The following EPS8L1 variants were observed in gnomAD, a reference collection of about 807,000 sequenced individuals.
EPS8L1 encodes the protein epidermal growth factor receptor kinase substrate 8-like protein 1.
A neutral mutation model predicts 91.7 loss-of-function variants in EPS8L1; 101 were observed. The ratio of observed to expected loss-of-function variants is 1.10; its 90% CI spans 0.94 to 1.30. The LOEUF is 1.30. Ranked by LOEUF, EPS8L1 falls within the 50% of genes most tolerant of loss-of-function variation. EPS8L1 has a pLI of 0.00. For missense variants in EPS8L1, 1,114 were observed against 1,017.0 expected (o/e 1.10, Z -1.30); for synonymous variants, 506 against 445.3 (o/e 1.14, Z -1.72).
At chr19:55,087,225 C>T in intron 18 of EPS8L1, 78 bp from the exon 19 acceptor site, 3 of 1,517,498 alleles carry the variant, frequency 2.0e-6, no homozygotes, top group East Asian at 2.5e-5. Context: ...TGGACCATCG[C>T]CGGGTGGGCG....
chr19:55,081,221 C>A lies in EPS8L1; in HGVS notation c.513-10C>A. The A allele has an allele frequency of 6.7e-7, 1 of 1,498,224 alleles. No homozygotes were observed. Among genetic ancestry groups the A allele is most frequent in the East Asian group, 2.4e-5 (1 of 41,946 alleles). The allele number at this position is 1,498,224 out of a possible 1,614,324, so 92.8% of individuals were successfully genotyped here. A position where few individuals can be genotyped will look rare whatever the true frequency, so the allele number is the denominator to read the frequency against. On this transcript the variant is annotated splice_polypyrimidine_tract_variant and intron_variant, in intron 7 of 19. Transcript: ENST00000201647. This position sits in a 1 kb window ranked among gnomAD's most constrained non-coding sequence, Gnocchi z 4.9. Reference sequence around the variant, plus strand: ...GGACCCAGTCTTGGTGTCCCCGTCGCCCTCCGCAGGGCCACGCAGGAGGAG... The same window carrying A: ...GGACCCAGTCTTGGTGTCCCCGTCGACCTCCGCAGGGCCACGCAGGAGGAG...
In EPS8L1 at chr19:55,082,335, G is replaced by A; in HGVS notation, c.1051G>A (p.Gly351Arg). 3.7e-6 allele frequency: 6 copies of A among 1,612,596 alleles called. No individual in the cohort carries two copies. The highest frequency in any genetic ancestry group is 5.1e-6 in the Non-Finnish European group (6 of 1,179,882). The change falls in exon 11 of 20, where the codon GGG becomes AGG. Residue 351 changes from glycine to arginine, a missense_variant. By Grantham distance (125) the Gly-to-Arg change is moderately radical (BLOSUM62 -2). Transcript: ENST00000201647. ...TCCGGAGCTGTTGCACTTCCTTTTC[G>A]GGCCTCTGCAGATGGTGAGACCCGC... is the stretch of plus-strand genomic sequence containing the variant. The part of the protein sequence containing the change: ...SSPELLHFLF[G>R]PLQMIVNTSG...
At chr19:55,086,635 G>GT in intron 17 of EPS8L1, 79 bp from the exon 18 acceptor site, 3 of 1,307,714 alleles carry the variant, frequency 2.3e-6, no homozygotes, top group Non-Finnish European at 2.1e-6. Flanking sequence ...ACGCTGGAGC[G>GT]CCCCCCCGCC....
Position 55,082,527 on chromosome 19 carries a change from C to T in EPS8L1, c.1139C>T (p.Ala380Val), listed in dbSNP as rs1383066973. The T allele has an allele frequency of 6.2e-7, 1 of 1,611,240 alleles. No homozygotes were observed. Among genetic ancestry groups the T allele is most frequent in the South Asian group, 1.1e-5 (1 of 90,814 alleles). ...CCGCATCTGACATCGGATGCCGTGG[C>T]GCTGCTGCGGGACAACGTCACTCCA... is the stretch of plus-strand genomic sequence containing the variant. ...RRPHLTSDAV[A>V]LLRDNVTPRE... The change falls in exon 12 of 20, where the codon GCG becomes GTG. Residue 380 changes from alanine to valine, a missense_variant. Transcript: ENST00000201647.
In EPS8L1 at chr19:55,082,464, C is replaced by G; in HGVS notation, c.1076C>G (p.Thr359Arg). The G allele has an allele frequency of 1.2e-6, 2 of 1,612,352 alleles. No homozygotes were observed. The highest frequency in any genetic ancestry group is 1.7e-6 in the Non-Finnish European group (2 of 1,179,508). The change falls in exon 12 of 20, where the codon ACG (threonine) becomes AGG (arginine). Residue 359 changes from threonine to arginine, a missense_variant. Transcript: ENST00000201647. ...CTGCTCCCCTGACAGATTGTGAACA[C>G]GTCGGGGGGGCCGGAGTTCGCGAGC... ...LFGPLQMIVNTSGGPEFASSV... is the reference protein window; with the variant it reads ...LFGPLQMIVNRSGGPEFASSV...
chr19:55,077,608 G>C (rs1407945327), intron 2 of EPS8L1, among the ~76,000 whole-genome samples: 1 of 13,394 alleles, frequency 7.5e-5, no homozygotes, highest in Non-Finnish European at 1.7e-4. Context: ...TTTTTTTTTT[G>C]AGATGGAGTC....
chr19:55,087,446 C>T lies in EPS8L1; in HGVS notation c.2085+11C>T. On this transcript the variant is annotated intron_variant, in intron 19 of 19. Coordinates refer to ENST00000201647, the MANE Select transcript of EPS8L1 (RefSeq NM_133180.3). ...CGCTCGCTGCTGGAGGTGAGCCGGACCGCTGGTCCCTGGGTCTGGGTAGGG... is the reference window on the plus strand; with the variant it reads ...CGCTCGCTGCTGGAGGTGAGCCGGATCGCTGGTCCCTGGGTCTGGGTAGGG... The T allele has an allele frequency of 6.2e-7, 1 of 1,614,146 alleles. No individual in the cohort carries two copies. The highest frequency in any genetic ancestry group is 1.1e-5 in the South Asian group (1 of 91,086).
intron 2 of EPS8L1, among the ~76,000 whole-genome samples, chr19:55,076,741 C>A (rs966955970): frequency 6.6e-6 from 1 of 152,198 alleles, no homozygotes; most frequent in South Asian, 2.1e-4. Context: ...GAGCCTCAGC[C>A]CCTCCTCTGT....
rs751240032 is a variant in EPS8L1 at position 55,081,823 on chromosome 19, G to A, written c.825G>A (p.Leu275=). ...ACGTAGAGAGCTTTGTATCGAGGCT[G>A]CAGAAGTCGGCGGAGGCGGCCAGGG... is the stretch of plus-strand genomic sequence containing the variant. The part of the protein sequence containing the change: ...FDDVESFVSR[L]QKSAEAARVL... Residue 275 remains leucine, a synonymous_variant, in exon 9 of 20, where the codon CTG becomes CTA. Coordinates refer to ENST00000201647, the MANE Select transcript of EPS8L1 (RefSeq NM_133180.3). This position sits in a 1 kb window ranked among gnomAD's most constrained non-coding sequence, Gnocchi z 4.9. 18 of 1,612,738 alleles carry A rather than the reference G, an allele frequency of 1.1e-5. No individual in the cohort carries two copies. The East Asian group carries it at 3.3e-4, about 30-fold the overall frequency.
chr19:55,086,221 A>T (rs768783082), intron 16 of EPS8L1, 29 bp downstream of exon 16: 2 of 1,593,008 alleles, frequency 1.3e-6, no homozygotes, highest in African/African-American at 1.3e-5. Flanking sequence ...TGGGATCTTG[A>T]GGGTGGAGAG....
At chr19:55,079,580 C>A in intron 4 of EPS8L1, 110 bp from the exon 5 acceptor site, 1 of 1,327,798 alleles carries the variant, frequency 7.5e-7, no homozygotes, top group Non-Finnish European at 1.0e-6. Context: ...AGGAAGGCTT[C>A]CTGGAGGAGG....
chr19:55,077,857 G>A (rs2076161267), intron 2 of EPS8L1, among the ~76,000 whole-genome samples: 1 of 150,556 alleles, frequency 6.6e-6, no homozygotes, highest in African/African-American at 2.4e-5. Context: ...AAAGTGCTGG[G>A]ATTACAGGCG....
intron 18 of EPS8L1, 126 bp from the exon 19 acceptor site, chr19:55,087,177 C>A (rs1326425494): frequency 1.4e-6 from 2 of 1,394,598 alleles, no homozygotes; most frequent in African/African-American, 1.4e-5. Context: ...CAGGAGGTGT[C>A]GGGCCTGCCC....
Position 55,080,798 on chromosome 19 carries a change from G to A in EPS8L1, c.456G>A (p.Gln152=). The A allele has an allele frequency of 1.2e-6, 2 of 1,611,832 alleles. No homozygotes were observed. The highest frequency in any genetic ancestry group is 1.7e-6 in the Non-Finnish European group (2 of 1,179,142). ...LGAELIREDI[Q]GALHNYRSGR... is the part of the protein sequence containing the mutation. ...CGGAGCTGATCCGAGAGGACATCCA[G>A]GGGGCTCTGCACAATTACCGCTCGG... is the stretch of plus-strand genomic sequence containing the variant. The change falls in exon 7 of 20, where the codon CAG becomes CAA. Residue 152 remains glutamine, a synonymous_variant. Coordinates refer to ENST00000201647, the MANE Select transcript of EPS8L1 (RefSeq NM_133180.3).
rs957780469 is a variant in EPS8L1, at chr19:55,086,914, C to A, written c.1952+26C>A. On this transcript the variant is annotated intron_variant, in intron 18 of 19. Coordinates refer to ENST00000201647, the MANE Select transcript of EPS8L1 (RefSeq NM_133180.3). ...GTGAGTGGGGCCGGGGCCCTCTCGGCGCGGGTTGATACGGACGCTGGGAGC... is the reference window on the plus strand; with the variant it reads ...GTGAGTGGGGCCGGGGCCCTCTCGGAGCGGGTTGATACGGACGCTGGGAGC... 5.0e-6 allele frequency: 7 copies of A among 1,410,550 alleles called. No homozygotes were observed. The South Asian group carries it at 1.1e-4, about 22-fold the overall frequency. 87.4% of individuals were successfully genotyped at this position (1,410,550 alleles called of 1,614,324 possible).
At position 55,080,226 on chromosome 19, in the gene EPS8L1, A is replaced by C. The variant is rs1468851996; in HGVS notation, c.377A>C (p.Glu126Ala). 1 of 1,538,670 alleles carries C rather than the reference A, an allele frequency of 6.5e-7. No individual in the cohort carries two copies. The highest frequency in any genetic ancestry group is 2.0e-5 in the Admixed American group (1 of 50,532). ...SRSLLLLVCQ[E>A]PERAQPDVHF... ...TCGTTGCTGCTGCTCGTGTGCCAGGAACCCGAGCGCGCGCAGCCCGACGTG... is the reference window on the plus strand; with the variant it reads ...TCGTTGCTGCTGCTCGTGTGCCAGGCACCCGAGCGCGCGCAGCCCGACGTG... Residue 126 changes from glutamate to alanine, a missense_variant, in exon 6 of 20, where the codon GAA (glutamate) becomes GCA (alanine). By Grantham distance (107) the Glu-to-Ala change is moderately radical (BLOSUM62 -1). Transcript: ENST00000201647.
At chr19:55,087,187 C>T (rs1355400151) in intron 18 of EPS8L1, 116 bp from the exon 19 acceptor site, 1 of 1,431,720 alleles carries the variant, frequency 7.0e-7, no homozygotes, top group East Asian at 2.5e-5. Context: ...CGGGCCTGCC[C>T]CCGCTAGAGC....
At chr19:55,085,272 TCTC>T (rs558710884) in intron 14 of EPS8L1, among the ~76,000 whole-genome samples, 57 of 152,224 alleles carry the variant, frequency 3.7e-4, no homozygotes, top group South Asian at 2.9e-3. Context: ...TTCAAGCAAT[TCTC>T]CTGCCTCAGC....
In EPS8L1 at chr19:55,080,258, T is replaced by C. The variant is rs1205191055; in HGVS notation, c.409T>C (p.Phe137Leu). 3 of 1,534,874 alleles carry C rather than the reference T, an allele frequency of 2.0e-6. No homozygotes were observed. The highest frequency in any genetic ancestry group is 2.6e-6 in the Non-Finnish European group (3 of 1,136,024). The change falls in exon 6 of 20, where the codon TTC (phenylalanine) becomes CTC (leucine). Residue 137 changes from phenylalanine to leucine, a missense_variant. By Grantham distance (22) the Phe-to-Leu change is conservative. Transcript: ENST00000201647. ...GCGCGCGCAGCCCGACGTGCACTTC[T>C]TCCAGGGCCTGCGCCTCGGGGTGAG... is the stretch of plus-strand genomic sequence containing the variant. The part of the protein sequence containing the change: ...PERAQPDVHF[F>L]QGLRLGAELI...
Sources: gnomAD v4.1 joint callset for allele counts (sites outside exome capture counted in the v4.1 genomes callset) on GRCh38, gnomAD v4.1.1 for gene constraint, Gnocchi (gnomAD v3.1) non-coding constraint, MANE v1.5 for transcripts, NCBI Gene and HGNC (gene_info 2026-07-23, HGNC 2026-07-21) for gene names.